The following RUNDC3A variants were observed in gnomAD, a reference collection of about 807,000 sequenced individuals.
The protein encoded by RUNDC3A is RUN domain-containing protein 3A.
RUNDC3A carries 28 observed loss-of-function variants against 53.9 expected under a neutral mutation model. The observed-to-expected ratio is 0.52, with a 90% confidence interval of 0.38 to 0.71. RUNDC3A has a LOEUF of 0.71. Ranked by LOEUF, RUNDC3A falls within the 30% of genes least tolerant of loss-of-function variation. The pLI is 0.00. For synonymous variants in RUNDC3A, 232 were observed against 249.4 expected, an observed-to-expected ratio of 0.93 and a Z score of 0.66; for missense variants, 491 against 597.3, an observed-to-expected ratio of 0.82 and a Z score of 1.85.
rs1367715984 is a variant in RUNDC3A, at chr17:44,318,495, TC to T, written c.*258del. On this transcript the variant is annotated 3_prime_UTR_variant, in exon 11 of 11. Transcript: ENST00000426726. ...CCCCTGGGGAAGCCTGCTCCATTCT[TC>T]TGGTGACCTTGGCGCTCCTTCACTC... 4.0e-6 allele frequency: 2 copies of T among 504,436 alleles called. No individual in the cohort carries two copies. The highest frequency in any genetic ancestry group is 3.8e-5 in the African/African-American group (2 of 52,206). 31.2% of individuals were successfully genotyped at this position (504,436 alleles called of 1,614,324 possible).
chr17:44,312,776 A>C (rs1413747736), intron 2 of RUNDC3A, 81 bp downstream of exon 2: 1 of 199,464 alleles, frequency 5.0e-6, no homozygotes, highest in South Asian at 2.8e-5. Flanking sequence ...CCCCTCCCCC[A>C]GCGGTCCCTC....
In RUNDC3A at chr17:44,308,792, G is replaced by C. The variant is rs777433444; in HGVS notation, c.-41G>C. The C allele has an allele frequency of 1.2e-5, 17 of 1,387,500 alleles. No individual in the cohort carries two copies. The highest frequency in any genetic ancestry group is 2.0e-4 in the Middle Eastern group (1 of 4,914). 85.9% of individuals were successfully genotyped at this position (1,387,500 alleles called of 1,614,324 possible). On this transcript the variant is annotated 5_prime_UTR_variant, in exon 1 of 11. Transcript: ENST00000426726. ...ACGGGTTTGGGGCTCCGGGAGGGGT[G>C]GGGGGGCAGCGGGCGGCGGCAGCAG...
Position 44,315,551 on chromosome 17 carries a change from C to A in RUNDC3A, c.895C>A (p.Gln299Lys). 1 of 1,515,868 alleles carries A rather than the reference C, an allele frequency of 6.6e-7. No homozygotes were observed. Among genetic ancestry groups the A allele is most frequent in the African/African-American group, 1.4e-5 (1 of 70,420 alleles). The allele number at this position is 1,515,868 out of a possible 1,614,324, so 93.9% of individuals were successfully genotyped here. A position where few individuals can be genotyped will look rare whatever the true frequency, so the allele number is the denominator to read the frequency against. The change falls in exon 8 of 11, where the codon CAG becomes AAG. Residue 299 changes from glutamine to lysine, a missense_variant. Physicochemically the swap from Gln to Lys is moderately conservative, Grantham distance 53 (BLOSUM62 1). This residue lies in a region of RUNDC3A where 218 missense variants were observed against 208.2 expected (regional missense o/e 1.05). Transcript: ENST00000426726. This position sits in a 1 kb window ranked among gnomAD's most constrained non-coding sequence, Gnocchi z 6.1. Reference sequence around the variant, plus strand: ...GCTGCAGCTGGAGGAGGCGGCGGCGCAGAACCAGCGCGAGAAACGGGAGCT... The same window carrying A: ...GCTGCAGCTGGAGGAGGCGGCGGCGAAGAACCAGCGCGAGAAACGGGAGCT... ...LQLQLEEAAA[Q>K]NQREKRELEG...
chr17:44,314,516 G>A (rs962528991), intron 4 of RUNDC3A: 6 of 1,420,784 alleles, frequency 4.2e-6, no homozygotes, highest in Admixed American at 2.9e-5. Context: ...TAGCTCAGAG[G>A]GAGGAGTCGG....
At chr17:44,312,126 C>A (rs2047759563) in intron 1 of RUNDC3A, among the ~76,000 whole-genome samples, 1 of 152,198 alleles carries the variant, frequency 6.6e-6, no homozygotes, top group African/African-American at 2.4e-5. Flanking sequence ...GAAGGTTGCT[C>A]CAGCAATCAC....
Position 44,315,663 on chromosome 17 carries a change from C to T in RUNDC3A, c.953+54C>T. The T allele has an allele frequency of 7.6e-7, 1 of 1,317,698 alleles. No individual in the cohort carries two copies. Among genetic ancestry groups the T allele is most frequent in the Non-Finnish European group, 9.8e-7 (1 of 1,016,548 alleles). 81.6% of individuals were successfully genotyped at this position (1,317,698 alleles called of 1,614,324 possible). ...ACCCCCGCCGCCCCGACCACATCAC[C>T]GGGTGAACCCCATCTTCACTTCCAT... is the stretch of plus-strand genomic sequence containing the variant. On this transcript the variant is annotated intron_variant, in intron 8 of 10. Coordinates refer to ENST00000426726, the MANE Select transcript of RUNDC3A (RefSeq NM_001144825.2). This position sits in a 1 kb window ranked among gnomAD's most constrained non-coding sequence, Gnocchi z 6.1.
At chr17:44,316,805 A>G in intron 10 of RUNDC3A, 80 bp downstream of exon 10, 1 of 743,124 alleles carries the variant, frequency 1.3e-6, no homozygotes, top group Non-Finnish European at 2.2e-6. Flanking sequence ...GCATGTCCTC[A>G]TTCATTCTCT....
rs1239278091 is a variant in RUNDC3A at position 44,315,409 on chromosome 17, G to A, written c.796-43G>A. On this transcript the variant is annotated intron_variant, in intron 7 of 10. Coordinates refer to ENST00000426726, the MANE Select transcript of RUNDC3A (RefSeq NM_001144825.2). The surrounding 1 kb of genome is among the most constrained non-coding windows in gnomAD (Gnocchi z 6.1). The stretch of plus-strand genomic sequence containing the variant: ...CGGGGCGGGGATGGGGGCCGCGGCC[G>A]GGACGTCCTCCCAGCCGCCCGGGCT... The A allele has an allele frequency of 7.4e-7, 1 of 1,351,340 alleles. No individual in the cohort carries two copies. The highest frequency in any genetic ancestry group is 9.5e-7 in the Non-Finnish European group (1 of 1,048,422). 83.7% of individuals were successfully genotyped at this position (1,351,340 alleles called of 1,614,324 possible). A position where few individuals can be genotyped will look rare whatever the true frequency, so the allele number is the denominator to read the frequency against.
chr17:44,312,728 C>G (rs1395349125), intron 2 of RUNDC3A, 33 bp downstream of exon 2: 2 of 1,000,556 alleles, frequency 2.0e-6, no homozygotes, highest in Non-Finnish European at 2.8e-6. Context: ...AGCGGTCCCT[C>G]CCCCAGCGCC....
At position 44,315,469 on chromosome 17, in the gene RUNDC3A, G is replaced by A. The variant is rs894729102; in HGVS notation, c.813G>A (p.Leu271=). The change falls in exon 8 of 11, where the codon CTG becomes CTA. Residue 271 remains leucine, a synonymous_variant. Transcript: ENST00000426726. This position sits in a 1 kb window ranked among gnomAD's most constrained non-coding sequence, Gnocchi z 6.1. ...CCCCGCAGGGCTACCTGGAGGAGCTGGTGCGTCTGCGCGAGTCGCAGCTGA... is the reference window on the plus strand; with the variant it reads ...CCCCGCAGGGCTACCTGGAGGAGCTAGTGCGTCTGCGCGAGTCGCAGCTGA... The part of the protein sequence containing the change: ...VYAQKGYLEE[L]VRLRESQLKD... The A allele has an allele frequency of 3.3e-6, 5 of 1,500,614 alleles. 1 individual carries two copies. The African/African-American group carries it at 5.8e-5, about 17-fold the overall frequency. 93.0% of individuals were successfully genotyped at this position (1,500,614 alleles called of 1,614,324 possible). A position where few individuals can be genotyped will look rare whatever the true frequency, so the allele number is the denominator to read the frequency against.
Position 44,318,212 on chromosome 17 carries a change from G to A in RUNDC3A, c.1315G>A (p.Gly439Ser). The part of the protein sequence containing the change: ...NECLVSDSPE[G>S]SPALSPS ...GTGCCTGGTGAGCGACAGTCCCGAG[G>A]GCAGCCCAGCACTGAGCCCCAGCTG... is the stretch of plus-strand genomic sequence containing the variant. Residue 439 changes from glycine (G) to serine (S), a missense_variant, in exon 11 of 11, where the codon GGC becomes AGC. By Grantham distance (56) the Gly-to-Ser change is moderately conservative (BLOSUM62 0). Transcript: ENST00000426726. 1.3e-6 allele frequency: 2 copies of A among 1,551,210 alleles called. No homozygotes were observed. The highest frequency in any genetic ancestry group is 1.7e-6 in the Non-Finnish European group (2 of 1,146,984).
chr17:44,309,069 T>C (rs1204008281), intron 1 of RUNDC3A, 130 bp downstream of exon 1: 3 of 645,112 alleles, frequency 4.7e-6, no homozygotes, highest in Non-Finnish European at 7.8e-6. Flanking sequence ...ATGCGTCCAC[T>C]GTCCCTCCCA....
Position 44,314,409 on chromosome 17 carries a change from C to T in RUNDC3A, c.459-326C>T, listed in dbSNP as rs1401003786. On this transcript the variant is annotated intron_variant, in intron 4 of 10. Coordinates refer to ENST00000426726, the MANE Select transcript of RUNDC3A (RefSeq NM_001144825.2). ...TCAGTCTACACGTTTCAAGTTAACACGTTTTTTGCGCACCTACTGTATACC... is the reference window on the plus strand; with the variant it reads ...TCAGTCTACACGTTTCAAGTTAACATGTTTTTTGCGCACCTACTGTATACC... 7.6e-6 allele frequency: 9 copies of T among 1,178,418 alleles called. No individual in the cohort carries two copies. In the South Asian group the frequency reaches 2.0e-4, roughly 26 times the overall value. The allele number at this position is 1,178,418 out of a possible 1,614,324, so 73.0% of individuals were successfully genotyped here.
At position 44,314,920 on chromosome 17, in the gene RUNDC3A, C is replaced by T. The variant is rs757401582; in HGVS notation, c.549-9C>T. On this transcript the variant is annotated splice_polypyrimidine_tract_variant and intron_variant, in intron 5 of 10. Coordinates refer to ENST00000426726, the MANE Select transcript of RUNDC3A (RefSeq NM_001144825.2). ...ACCCACCTCCAACCCTGTGGCTCCT[C>T]TGCCTCAGCTTCTGTCTAAAGGGGG... The T allele has an allele frequency of 6.2e-7, 1 of 1,614,084 alleles. No homozygotes were observed. Among genetic ancestry groups the T allele is most frequent in the Admixed American group, 1.7e-5 (1 of 60,036 alleles).
chr17:44,315,675 A>T lies in RUNDC3A; in HGVS notation c.953+66A>T. 7.9e-7 allele frequency: 1 copy of T among 1,272,276 alleles called. No homozygotes were observed. The highest frequency in any genetic ancestry group is 1.0e-6 in the Non-Finnish European group (1 of 985,916). The allele number at this position is 1,272,276 out of a possible 1,614,324, so 78.8% of individuals were successfully genotyped here. On this transcript the variant is annotated intron_variant, in intron 8 of 10. Transcript: ENST00000426726. The surrounding 1 kb of genome is among the most constrained non-coding windows in gnomAD (Gnocchi z 6.1). ...CCGACCACATCACCGGGTGAACCCC[A>T]TCTTCACTTCCATCGACTCTAACAT...
Position 44,318,305 on chromosome 17 carries a change from AAG to A in RUNDC3A, c.*70_*71del, listed in dbSNP as rs1207877620. On this transcript the variant is annotated 3_prime_UTR_variant, in exon 11 of 11. Coordinates refer to ENST00000426726, the MANE Select transcript of RUNDC3A (RefSeq NM_001144825.2). ...TGGACACCTGCCACCTTTCTTCAAC[AAG>A]AGTCCCCCAATCCAGGCTACCCTTC... 5 of 1,485,656 alleles carry A rather than the reference AAG, an allele frequency of 3.4e-6. No homozygotes were observed. Among genetic ancestry groups the A allele is most frequent in the Non-Finnish European group, 4.6e-6 (5 of 1,094,658 alleles). The allele number at this position is 1,485,656 out of a possible 1,614,324, so 92.0% of individuals were successfully genotyped here.
Position 44,315,335 on chromosome 17 carries a change from C to A in RUNDC3A, c.795+15C>A. 1.7e-6 allele frequency: 2 copies of A among 1,150,158 alleles called. No individual in the cohort carries two copies. Among genetic ancestry groups the A allele is most frequent in the Non-Finnish European group, 2.2e-6 (2 of 914,088 alleles). 71.2% of individuals were successfully genotyped at this position (1,150,158 alleles called of 1,614,324 possible). A position where few individuals can be genotyped will look rare whatever the true frequency, so the allele number is the denominator to read the frequency against. On this transcript the variant is annotated intron_variant, in intron 7 of 10. Coordinates refer to ENST00000426726, the MANE Select transcript of RUNDC3A (RefSeq NM_001144825.2). The surrounding 1 kb of genome is among the most constrained non-coding windows in gnomAD (Gnocchi z 6.1). Reference sequence around the variant, plus strand: ...ACGCGCAGAAGGTGCGCGACGCCGGCGGGCCCGGGGGGCGGGCGGGCCGGG... The same window carrying A: ...ACGCGCAGAAGGTGCGCGACGCCGGAGGGCCCGGGGGGCGGGCGGGCCGGG...
At chr17:44,317,589 T>C (rs1384461993) in intron 10 of RUNDC3A, 1 of 778,968 alleles carries the variant, frequency 1.3e-6, no homozygotes, top group East Asian at 2.4e-5. Flanking sequence ...GTTTTTCCCA[T>C]CCTAGTTCTC....
At chr17:44,309,699 C>G (rs1490203011) in intron 1 of RUNDC3A, among the ~76,000 whole-genome samples, 1 of 152,130 alleles carries the variant, frequency 6.6e-6, no homozygotes, top group Non-Finnish European at 1.5e-5. Flanking sequence ...GCAGCCCACA[C>G]CTGCACTCTC....
Sources: gnomAD v4.1 joint callset for allele counts (sites outside exome capture counted in the v4.1 genomes callset) on GRCh38, gnomAD v4.1.1 for gene constraint, gnomAD v4.1.1 regional missense constraint, Gnocchi (gnomAD v3.1) non-coding constraint, MANE v1.5 for transcripts, NCBI Gene and HGNC (gene_info 2026-07-23, HGNC 2026-07-21) for gene names.